Variants in CACNA1D observed in about 807,000 individuals in gnomAD.
CACNA1D encodes the protein calcium voltage-gated channel subunit alpha1 D.
Under a neutral mutation model 257.1 loss-of-function variants are expected in CACNA1D, and 55 were observed. That is an observed-to-expected ratio of 0.21 (90% CI 0.17 to 0.27). The LOEUF is 0.27. CACNA1D is among the 10% of genes least tolerant of loss of function. CACNA1D has a pLI of 1.00. For synonymous variants in CACNA1D, 980 were observed against 1,014.9 expected (o/e 0.97, Z 0.65); for missense variants, 1,876 against 2,784.0 (o/e 0.67, Z 7.34).
chr3:53,577,253 G>C (rs146523232), intron 3 of CACNA1D, among the ~76,000 whole-genome samples: 1 of 152,282 alleles, frequency 6.6e-6, no homozygotes, highest in Non-Finnish European at 1.5e-5. Context: ...TCAGTTGCAA[G>C]TGATAGCCCA....
chr3:53,643,861 T>C (rs969876582), intron 3 of CACNA1D, among the ~76,000 whole-genome samples: 2 of 152,150 alleles, frequency 1.3e-5, no homozygotes, highest in South Asian at 4.1e-4. Context: ...GCTCCTCTTC[T>C]GGATGGAACA....
At chr3:53,577,286 G>A (rs1431658241) in intron 3 of CACNA1D, among the ~76,000 whole-genome samples, 11 of 152,156 alleles carry the variant, frequency 7.2e-5, no homozygotes, top group Admixed American at 7.2e-4. Context: ...TTCTGTGAAA[G>A]GTGCAGCTGA....
chr3:53,556,345 C>A (rs967690240), intron 3 of CACNA1D, among the ~76,000 whole-genome samples: 2 of 152,168 alleles, frequency 1.3e-5, no homozygotes, highest in Non-Finnish European at 1.5e-5. Context: ...AATGGCTGTA[C>A]CATTTTGTAT....
chr3:53,540,035 G>A (rs2092252902), intron 3 of CACNA1D, among the ~76,000 whole-genome samples: 1 of 150,242 alleles, frequency 6.7e-6, no homozygotes, highest in African/African-American at 2.4e-5. Flanking sequence ...CTTCCACTCT[G>A]GCTTATCTTC....
intron 3 of CACNA1D, among the ~76,000 whole-genome samples, chr3:53,534,253 C>G (rs1313131151): frequency 6.6e-6 from 1 of 152,310 alleles, no homozygotes; most frequent in East Asian, 1.9e-4. Flanking sequence ...GGCCTCGCCT[C>G]CCTGCCCCTC....
At chr3:53,658,280 G>A (rs952236914) in intron 4 of CACNA1D, among the ~76,000 whole-genome samples, 2 of 151,890 alleles carry the variant, frequency 1.3e-5, no homozygotes, top group African/African-American at 4.8e-5. Context: ...GTTAAATCCA[G>A]TTTTGTCATT....
chr3:53,755,747 T>C lies in CACNA1D; in HGVS notation c.3786+2065T>C, dbSNP rs549521385. On this transcript the variant is annotated intron_variant, in intron 29 of 47. Transcript: ENST00000350061. Reference sequence around the variant, plus strand: ...GTTGAGTTTATATCGTGTGCCGGGATGAGTGGGAGAGTATCGGTTCACCAA... The same window carrying C: ...GTTGAGTTTATATCGTGTGCCGGGACGAGTGGGAGAGTATCGGTTCACCAA... 4.6e-5 allele frequency among the ~76,000 whole-genome samples: 7 copies of C among 152,142 alleles called. No individual in the cohort carries two copies. In the East Asian group the frequency reaches 9.7e-4, roughly 21 times the overall value.
chr3:53,771,537 C>T (rs1325308766), intron 32 of CACNA1D, among the ~76,000 whole-genome samples: 1 of 152,128 alleles, frequency 6.6e-6, no homozygotes, highest in Non-Finnish European at 1.5e-5. Context: ...ACAGATCCTG[C>T]TGGGGAGAAT....
intron 7 of CACNA1D, among the ~76,000 whole-genome samples, chr3:53,671,521 A>G (rs1576303457): frequency 6.6e-6 from 1 of 152,302 alleles, no homozygotes; most frequent in South Asian, 2.1e-4. Context: ...TGGATGAATT[A>G]CCCTCTGCCT....
intron 3 of CACNA1D, among the ~76,000 whole-genome samples, chr3:53,517,817 G>T (rs2091404148): frequency 6.6e-6 from 1 of 152,192 alleles, no homozygotes; most frequent in African/African-American, 2.4e-5. Context: ...CTTCCTGACT[G>T]TTCCTTGAAC....
intron 3 of CACNA1D, among the ~76,000 whole-genome samples, chr3:53,507,979 G>GT (rs1173242825): frequency 6.6e-6 from 1 of 151,862 alleles, no homozygotes; most frequent in Non-Finnish European, 1.5e-5. Flanking sequence ...AGCTGGAAAG[G>GT]GGGGGCTGAA....
At chr3:53,754,789 T>C (rs2095252220) in intron 29 of CACNA1D, among the ~76,000 whole-genome samples, 1 of 152,256 alleles carries the variant, frequency 6.6e-6, no homozygotes, top group African/African-American at 2.4e-5. Context: ...CTGACGACAC[T>C]GATTTAATTA....
At position 53,809,994 on chromosome 3, in the gene CACNA1D, G is replaced by A. The variant is rs2095587901; in HGVS notation, c.5888G>A (p.Gly1963Asp). ...TTTCCTCAGATCATGGCAGTTGCCGGCCTAGATTCAAGTAAAGCCCAGAAG... is the reference window on the plus strand; with the variant it reads ...TTTCCTCAGATCATGGCAGTTGCCGACCTAGATTCAAGTAAAGCCCAGAAG... ...LMQQQIMAVA[G>D]LDSSKAQKYS... The change falls in exon 47 of 48, where the codon GGC becomes GAC. Residue 1963 changes from glycine (G) to aspartate (D), a missense_variant. Physicochemically the swap from Gly to Asp is moderately conservative, Grantham distance 94. Coordinates refer to ENST00000350061, the MANE Select transcript of CACNA1D (RefSeq NM_001128840.3). 12 of 1,614,012 alleles carry A rather than the reference G, an allele frequency of 7.4e-6. No individual in the cohort carries two copies. Among genetic ancestry groups the A allele is most frequent in the Non-Finnish European group, 1.0e-5 (12 of 1,180,024 alleles).
chr3:53,563,207 C>T (rs1345588972), intron 3 of CACNA1D, among the ~76,000 whole-genome samples: 1 of 152,120 alleles, frequency 6.6e-6, no homozygotes, highest in Non-Finnish European at 1.5e-5. Context: ...CCCCCTCCCA[C>T]AGGGATGACC....
intron 8 of CACNA1D, among the ~76,000 whole-genome samples, chr3:53,680,295 A>C (rs904961836): frequency 2.6e-5 from 4 of 151,874 alleles, no homozygotes; most frequent in Admixed American, 1.3e-4. Flanking sequence ...CAACAGATTC[A>C]GTAGAGCTCT....
chr3:53,682,106 G>A (rs976316213), intron 8 of CACNA1D, among the ~76,000 whole-genome samples: 1 of 151,956 alleles, frequency 6.6e-6, no homozygotes, highest in African/African-American at 2.4e-5. Flanking sequence ...TTTTAAGCAG[G>A]GAGTGATATT....
chr3:53,635,482 G>C (rs531699003), intron 3 of CACNA1D, among the ~76,000 whole-genome samples: 2 of 152,174 alleles, frequency 1.3e-5, no homozygotes, highest in Non-Finnish European at 2.9e-5. Flanking sequence ...AGGGAAGATG[G>C]GTGGGTTATG....
intron 3 of CACNA1D, among the ~76,000 whole-genome samples, chr3:53,645,858 G>A (rs2094013874): frequency 6.6e-6 from 1 of 152,156 alleles, no homozygotes; most frequent in Non-Finnish European, 1.5e-5. Context: ...TGGGGAGACT[G>A]TTTTAGAAAG....
At chr3:53,540,980 G>A (rs1001671080) in intron 3 of CACNA1D, among the ~76,000 whole-genome samples, 1 of 152,046 alleles carries the variant, frequency 6.6e-6, no homozygotes, top group Admixed American at 6.6e-5. Context: ...GACCTTAGCT[G>A]ATCCATTTGC....
Sources: allele counts gnomAD v4.1 joint callset (sites outside exome capture counted in the v4.1 genomes callset), GRCh38; gene constraint gnomAD v4.1.1; transcripts MANE v1.5; gene names NCBI Gene and HGNC (gene_info 2026-07-23, HGNC 2026-07-21).